Variants in ABCC6 observed in about 807,000 individuals in gnomAD.
The protein encoded by ABCC6 is ATP binding cassette subfamily C member 6.
In ABCC6, 126 loss-of-function variants were observed where a neutral mutation model predicts 169.5. That is an observed-to-expected ratio of 0.74 (90% CI 0.64 to 0.86). The LOEUF (loss-of-function observed/expected upper bound fraction) is 0.86. Among genes scored for constraint, ABCC6 ranks in the 40% least tolerant of loss-of-function variants. The pLI, the probability that ABCC6 is intolerant of heterozygous loss-of-function variation, is 0.00. For synonymous variants in ABCC6, 752 were observed against 814.7 expected, an observed-to-expected ratio of 0.92 and a Z score of 1.31; for missense variants, 1,733 against 1,927.2, an observed-to-expected ratio of 0.90 and a Z score of 1.89.
chr16:16,222,776 T>C (rs2049116487), intron 1 of ABCC6, among the ~76,000 whole-genome samples: 1 of 151,978 alleles, frequency 6.6e-6, no homozygotes, highest in Non-Finnish European at 1.5e-5. Flanking sequence ...CTCTCTCCGC[T>C]GTCTTTTTAC....
chr16:16,198,877 C>T (rs933325950), intron 9 of ABCC6, among the ~76,000 whole-genome samples: 4 of 152,084 alleles, frequency 2.6e-5, no homozygotes, highest in Admixed American at 6.6e-5. Context: ...ACCTGTAATC[C>T]CAGCTACTTG....
At chr16:16,166,934 A>G (rs1416095522) in intron 22 of ABCC6, among the ~76,000 whole-genome samples, 2 of 151,998 alleles carry the variant, frequency 1.3e-5, no homozygotes, top group African/African-American at 2.4e-5. Context: ...AACCAAAAAA[A>G]CCTCCACAAA....
In ABCC6 at chr16:16,149,728, G is replaced by T; in HGVS notation, c.*405C>A. ...GTTTCTTTAACTGCATGTGAGTCTG[G>T]GATTATCCCAAAATAAAAGTGTTAA... On this transcript the variant is annotated 3_prime_UTR_variant, in exon 31 of 31. Transcript: ENST00000205557. The T allele has an allele frequency of 2.8e-6, 1 of 360,602 alleles. No homozygotes were observed. The highest frequency in any genetic ancestry group is 5.2e-6 in the Non-Finnish European group (1 of 191,948). The allele number at this position is 360,602 out of a possible 1,614,324, so 22.3% of individuals were successfully genotyped here.
chr16:16,169,845 G>A lies in ABCC6; in HGVS notation c.2796C>T (p.Ala932=), dbSNP rs575521072. 3.9e-6 allele frequency: 6 copies of A among 1,553,552 alleles called. No individual in the cohort carries two copies. In the African/African-American group the frequency reaches 8.2e-5, roughly 21 times the overall value. The change falls in exon 22 of 31, where the codon GCC becomes GCT. Residue 932 remains alanine (A), a synonymous_variant. Coordinates refer to ENST00000205557, the MANE Select transcript of ABCC6 (RefSeq NM_001171.6). Reference sequence around the variant, plus strand: ...CACGCAGGTAGGCCAGGTGCACTGTGGCCTTCACCTGTAGCACACATGAGG... The same window carrying A: ...CACGCAGGTAGGCCAGGTGCACTGTAGCCTTCACCTGTAGCACACATGAGG... ...KDSIQYGRVK[A]TVHLAYLRAV...
At chr16:16,221,592 T>G in intron 2 of ABCC6, 57 bp downstream of exon 2, 1 of 1,594,778 alleles carries the variant, frequency 6.3e-7, no homozygotes, top group South Asian at 1.1e-5. Flanking sequence ...GGTTCCAGCC[T>G]GTCCCCTGCC....
chr16:16,195,184 C>T (rs954669820), intron 10 of ABCC6, among the ~76,000 whole-genome samples: 1 of 151,998 alleles, frequency 6.6e-6, no homozygotes, highest in East Asian at 1.9e-4. Flanking sequence ...CCTCAGTGTC[C>T]ACTCCTCCTT....
intron 27 of ABCC6, among the ~76,000 whole-genome samples, chr16:16,156,100 G>A (rs2046545052): frequency 6.6e-6 from 1 of 152,076 alleles, no homozygotes; most frequent in South Asian, 2.1e-4. Flanking sequence ...ATTTTTAGTA[G>A]ACACGGGATT....
intron 20 of ABCC6, among the ~76,000 whole-genome samples, chr16:16,173,953 CTT>C (rs2047190379): frequency 6.6e-6 from 1 of 152,170 alleles, no homozygotes; most frequent in South Asian, 2.1e-4. Flanking sequence ...GCTAAAGACT[CTT>C]TGAATGTTTT....
At chr16:16,153,327 G>C (rs1032894224) in intron 29 of ABCC6, among the ~76,000 whole-genome samples, 1 of 152,176 alleles carries the variant, frequency 6.6e-6, no homozygotes, top group Non-Finnish European at 1.5e-5. Context: ...GCAAAATGTG[G>C]TCTATCCATG....
At chr16:16,174,760 A>ACCCCCCCCCCCC (rs386789398) in intron 20 of ABCC6, among the ~76,000 whole-genome samples, 1 of 94,700 alleles carries the variant, frequency 1.1e-5, no homozygotes, top group Non-Finnish European at 2.2e-5. Context: ...CTGTCTCAAA[A>ACCCCCCCCCCCC]CCCCCCCCCG....
chr16:16,216,215 T>A (rs1167723153), intron 4 of ABCC6, among the ~76,000 whole-genome samples: 2 of 152,186 alleles, frequency 1.3e-5, no homozygotes, highest in African/African-American at 4.8e-5. Flanking sequence ...AGCCACTGTG[T>A]CCAGCCTCTT....
chr16:16,213,440 CA>C (rs1438197452), intron 5 of ABCC6, among the ~76,000 whole-genome samples: 1 of 151,978 alleles, frequency 6.6e-6, no homozygotes, highest in Non-Finnish European at 1.5e-5. Context: ...GTCTCTTCCA[CA>C]AAAGAATTGT....
chr16:16,219,966 A>C lies in ABCC6; in HGVS notation c.220-19T>G. The C allele has an allele frequency of 1.3e-6, 2 of 1,532,440 alleles. No individual in the cohort carries two copies. Among genetic ancestry groups the C allele is most frequent in the Non-Finnish European group, 1.8e-6 (2 of 1,131,016 alleles). The allele number at this position is 1,532,440 out of a possible 1,614,324, so 94.9% of individuals were successfully genotyped here. A position where few individuals can be genotyped will look rare whatever the true frequency, so the allele number is the denominator to read the frequency against. On this transcript the variant is annotated intron_variant, in intron 2 of 30. Transcript: ENST00000205557. ...CAAGCACCTGAGGATACAGGCTTAGATAAGCTTGGGGGGCAATAAGAGAGG... is the reference window on the plus strand; with the variant it reads ...CAAGCACCTGAGGATACAGGCTTAGCTAAGCTTGGGGGGCAATAAGAGAGG...
intron 9 of ABCC6, among the ~76,000 whole-genome samples, chr16:16,199,911 T>C (rs1348160889): frequency 6.7e-6 from 1 of 149,776 alleles, no homozygotes; most frequent in Admixed American, 6.7e-5. Context: ...CTAGTAAAAA[T>C]ACAAAAATTA....
chr16:16,190,043 G>A, intron 12 of ABCC6, 121 bp downstream of exon 12: 1 of 1,029,450 alleles, frequency 9.7e-7, no homozygotes, highest in South Asian at 1.3e-5. Flanking sequence ...ACAGGATCCA[G>A]AATGAGTGGG....
chr16:16,162,025 G>A (rs1429972307), intron 24 of ABCC6, among the ~76,000 whole-genome samples: 1 of 152,132 alleles, frequency 6.6e-6, no homozygotes, highest in African/African-American at 2.4e-5. Flanking sequence ...GGCGTAAAAG[G>A]ATGCGGCAGT....
rs978844881 is a variant in ABCC6, at chr16:16,178,678, A to T, written c.2415+120T>A. ...ATTGTCACAGCAAAAGCTGACCAAT[A>T]CAAAGAGGAAATTGGACTCAAGTGG... On this transcript the variant is annotated intron_variant, in intron 18 of 30. Transcript: ENST00000205557. 3 of 1,166,152 alleles carry T rather than the reference A, an allele frequency of 2.6e-6. No homozygotes were observed. The African/African-American group carries it at 4.5e-5, about 18-fold the overall frequency. The allele number at this position is 1,166,152 out of a possible 1,614,324, so 72.2% of individuals were successfully genotyped here. A position where few individuals can be genotyped will look rare whatever the true frequency, so the allele number is the denominator to read the frequency against.
Position 16,198,154 on chromosome 16 carries a change from T to C in ABCC6, c.1205A>G (p.Lys402Arg). The change falls in exon 10 of 31, where the codon AAG becomes AGG. Residue 402 changes from lysine to arginine, a missense_variant. Lys to Arg is a conservative substitution (Grantham distance 26). Coordinates refer to ENST00000205557, the MANE Select transcript of ABCC6 (RefSeq NM_001171.6). Reference protein sequence around the residue: ...KVLALSSGSRKASAVGDVVNL... With the variant: ...KVLALSSGSRRASAVGDVVNL... ...GACCACATCACCCACCGCACTGGCC[T>C]TTCTGGAGCCGCTGGACAGAGCCAG... 1 of 1,607,984 alleles carries C rather than the reference T, an allele frequency of 6.2e-7. No individual in the cohort carries two copies. Among genetic ancestry groups the C allele is most frequent in the East Asian group, 2.2e-5 (1 of 44,640 alleles).
intron 27 of ABCC6, 90 bp from the exon 28 acceptor site, chr16:16,155,121 C>G (rs1162797628): frequency 1.4e-6 from 2 of 1,435,628 alleles, no homozygotes; most frequent in African/African-American, 2.8e-5. Context: ...CGAGATCTGT[C>G]TATCCATCCC....
Sources: allele counts gnomAD v4.1 joint callset (sites outside exome capture counted in the v4.1 genomes callset), GRCh38; gene constraint gnomAD v4.1.1; transcripts MANE v1.5; gene names NCBI Gene and HGNC (gene_info 2026-07-23, HGNC 2026-07-21).